Variants in CDK14 observed in about 807,000 individuals in gnomAD.
The protein encoded by CDK14 is cyclin dependent kinase 14.
In CDK14, 34 loss-of-function variants were observed where a neutral mutation model predicts 60.7. The ratio of observed to expected loss-of-function variants is 0.56; its 90% CI spans 0.43 to 0.75. The LOEUF (loss-of-function observed/expected upper bound fraction) is 0.75. Among genes scored for constraint, CDK14 ranks in the 30% least tolerant of loss-of-function variants. The pLI, the probability that CDK14 is intolerant of heterozygous loss-of-function variation, is 0.00. For missense variants in CDK14, 482 were observed against 564.1 expected (o/e 0.85, Z 1.47); for synonymous variants, 197 against 203.7 (o/e 0.97, Z 0.28).
intron 2 of CDK14, among the ~76,000 whole-genome samples, chr7:90,717,368 A>C (rs768431854): frequency 2.6e-5 from 4 of 152,138 alleles, no homozygotes; most frequent in Non-Finnish European, 5.9e-5. Context: ...TAGAATTAGC[A>C]AAACAGTTAT....
intron 3 of CDK14, among the ~76,000 whole-genome samples, chr7:90,746,916 A>G (rs1400470466): frequency 6.6e-6 from 1 of 152,228 alleles, no homozygotes; most frequent in Non-Finnish European, 1.5e-5. Flanking sequence ...TGTTTGAATT[A>G]TCACTAAAAG....
intron 8 of CDK14, among the ~76,000 whole-genome samples, chr7:90,923,515 A>G (rs1793318058): frequency 6.6e-6 from 1 of 152,182 alleles, no homozygotes; most frequent in Non-Finnish European, 1.5e-5. Flanking sequence ...TCTATGAGAA[A>G]TCTCTCTGTT....
intron 5 of CDK14, among the ~76,000 whole-genome samples, chr7:90,797,522 A>C (rs1788482533): frequency 6.6e-6 from 1 of 152,012 alleles, no homozygotes; most frequent in African/African-American, 2.4e-5. Context: ...AGCCCATAAC[A>C]GCACTTAATG....
intron 8 of CDK14, among the ~76,000 whole-genome samples, chr7:90,919,320 G>A (rs929481758): frequency 6.6e-6 from 1 of 152,010 alleles, no homozygotes; most frequent in African/African-American, 2.4e-5. Context: ...GGATACAATA[G>A]GATTGTATGT....
chr7:90,860,212 T>C (rs1029290649), intron 5 of CDK14, among the ~76,000 whole-genome samples: 8 of 141,382 alleles, frequency 5.7e-5, no homozygotes, highest in African/African-American at 2.0e-4. Flanking sequence ...GCTACTTGCA[T>C]TGTACAATTT....
At chr7:90,628,082 G>T (rs1336800334) in intron 2 of CDK14, among the ~76,000 whole-genome samples, 1 of 152,104 alleles carries the variant, frequency 6.6e-6, no homozygotes, top group East Asian at 1.9e-4. Context: ...GGCCTCCCAA[G>T]TAGTTGGGAC....
chr7:90,917,353 A>G (rs1793113098), intron 7 of CDK14, among the ~76,000 whole-genome samples: 1 of 152,182 alleles, frequency 6.6e-6, no homozygotes, highest in Non-Finnish European at 1.5e-5. Flanking sequence ...TGGAGTACAG[A>G]TCTCTCTGGC....
At chr7:90,992,268 A>C (rs1453780640) in intron 10 of CDK14, among the ~76,000 whole-genome samples, 1 of 152,230 alleles carries the variant, frequency 6.6e-6, no homozygotes, top group Non-Finnish European at 1.5e-5. Context: ...CAGAGATTTG[A>C]ATTAACTCAC....
chr7:91,094,655 C>G (rs1415844124), intron 12 of CDK14, among the ~76,000 whole-genome samples: 1 of 152,154 alleles, frequency 6.6e-6, no homozygotes, highest in Non-Finnish European at 1.5e-5. Flanking sequence ...TCTCATTTGC[C>G]ATTTTTATAC....
intron 6 of CDK14, among the ~76,000 whole-genome samples, chr7:90,897,809 C>T (rs894105120): frequency 1.3e-5 from 2 of 152,066 alleles, no homozygotes; most frequent in Non-Finnish European, 2.9e-5. Context: ...CTATCCTATA[C>T]ATAAAAGTAT....
At chr7:91,173,433 A>T (rs574386971) in intron 14 of CDK14, among the ~76,000 whole-genome samples, 125 of 151,926 alleles carry the variant, frequency 8.2e-4, no homozygotes, top group Non-Finnish European at 1.4e-3. Context: ...ATCTCTTAAA[A>T]AAAAAAAGGT....
At chr7:91,108,498 T>G (rs1799376965) in intron 12 of CDK14, among the ~76,000 whole-genome samples, 1 of 152,336 alleles carries the variant, frequency 6.6e-6, no homozygotes, top group African/African-American at 2.4e-5. Flanking sequence ...TACTTGTATG[T>G]TTTTAATGTC....
chr7:91,171,684 T>C (rs1801523674), intron 14 of CDK14, among the ~76,000 whole-genome samples: 1 of 152,150 alleles, frequency 6.6e-6, no homozygotes, highest in Non-Finnish European at 1.5e-5. Context: ...TCTCACTCTG[T>C]CGCCGAGGCT....
intron 6 of CDK14, among the ~76,000 whole-genome samples, chr7:90,893,336 T>C (rs1052171993): frequency 2.8e-4 from 43 of 152,146 alleles, no homozygotes; most frequent in African/African-American, 9.7e-4. Context: ...TGGTAGGGAT[T>C]GGAGGGAAGC....
intron 6 of CDK14, among the ~76,000 whole-genome samples, chr7:90,878,658 TTTTGA>T (rs137860247): frequency 0.01 from 1,590 of 152,312 alleles, 13 homozygotes; most frequent in South Asian, 0.026. Flanking sequence ...AAAATATGGG[TTTTGA>T]TTTAAGTATC....
rs78521176 is a variant in CDK14 at position 90,753,699 on chromosome 7, A to G, written c.464+5924A>G. ...AATAAGAAATCAAGTGAAATTATCCATCTTTGCTGACAATATGATTCTATA... is the reference window on the plus strand; with the variant it reads ...AATAAGAAATCAAGTGAAATTATCCGTCTTTGCTGACAATATGATTCTATA... On this transcript the variant is annotated intron_variant, in intron 4 of 14. Coordinates refer to ENST00000380050, the MANE Select transcript of CDK14 (RefSeq NM_001287135.2). Among the ~76,000 whole-genome samples the G allele has an allele frequency of 4.9e-3, 746 of 152,222 alleles. 3 individuals are homozygous for G. The highest frequency in any genetic ancestry group is 0.016 in the African/African-American group (674 of 41,564).
intron 14 of CDK14, among the ~76,000 whole-genome samples, chr7:91,156,239 A>C (rs1188081434): frequency 6.6e-6 from 1 of 152,230 alleles, no homozygotes; most frequent in African/African-American, 2.4e-5. Context: ...ATTTCCCTAT[A>C]GACCTGGTCT....
chr7:90,669,155 A>G (rs1801050441), intron 2 of CDK14, among the ~76,000 whole-genome samples: 2 of 152,160 alleles, frequency 1.3e-5, no homozygotes, highest in African/African-American at 4.8e-5. Context: ...TAACCATGAC[A>G]TAATTTATTA....
intron 8 of CDK14, among the ~76,000 whole-genome samples, chr7:90,926,310 G>A (rs376129590): frequency 1.1e-4 from 16 of 150,600 alleles, no homozygotes; most frequent in African/African-American, 3.6e-4. Context: ...CCAACCCCAC[G>A]AGTCTTGAGG....
Sources: allele counts gnomAD v4.1 joint callset (sites outside exome capture counted in the v4.1 genomes callset), GRCh38; gene constraint gnomAD v4.1.1; transcripts MANE v1.5; gene names NCBI Gene and HGNC (gene_info 2026-07-23, HGNC 2026-07-21).